The following COL5A3 variants were observed in gnomAD, a reference collection of about 807,000 sequenced individuals.
COL5A3 encodes the protein collagen type V alpha 3 chain, also known as collagen alpha-3(V) chain.
A neutral mutation model predicts 250.0 loss-of-function variants in COL5A3; 172 were observed. That is an observed-to-expected ratio of 0.69 (90% confidence interval 0.61 to 0.78). The LOEUF (loss-of-function observed/expected upper bound fraction) is 0.78. COL5A3 is among the 30% of genes least tolerant of loss of function. The probability of loss-of-function intolerance (pLI) is 0.00; values close to 1 mark genes in which losing one functional copy is unlikely to be tolerated. For synonymous variants in COL5A3, 937 were observed against 900.4 expected, an observed-to-expected ratio of 1.04 and a Z score of -0.73; for missense variants, 2,340 against 2,334.4, an observed-to-expected ratio of 1.00 and a Z score of -0.05.
Position 9,981,103 on chromosome 19 carries a change from T to C in COL5A3, c.2490A>G (p.Gly830=). Residue 830 remains glycine (G), a synonymous_variant, in exon 33 of 67, where the codon GGA becomes GGG. Transcript: ENST00000264828. ...ATTTTCTTACTGGTGGTCCCCGCTC[T>C]CCTTCCAGGCCTGGCTGCCCTGTCT... ...SGKTGQPGLE[G]ERGPPGSRGE... is the part of the protein sequence containing the mutation. 1 of 1,614,068 alleles carries C rather than the reference T, an allele frequency of 6.2e-7. No individual in the cohort carries two copies. Among genetic ancestry groups the C allele is most frequent in the Middle Eastern group, 1.6e-4 (1 of 6,062 alleles).
intron 65 of COL5A3, among the ~76,000 whole-genome samples, chr19:9,961,368 T>C (rs1267930991): frequency 6.6e-6 from 1 of 151,992 alleles, no homozygotes; most frequent in East Asian, 1.9e-4. Flanking sequence ...TTTTTTTTCC[T>C]TTTTTGGGGG....
chr19:9,988,756 G>A (rs921811432), intron 27 of COL5A3, among the ~76,000 whole-genome samples: 9 of 149,744 alleles, frequency 6.0e-5, no homozygotes, highest in South Asian at 2.1e-4. Flanking sequence ...GCTTGAATCC[G>A]GGAGGAGGCA....
In COL5A3 at chr19:9,960,474, A is replaced by T; in HGVS notation, c.5175T>A (p.Thr1725=). The change falls in exon 67 of 67, where the codon ACT becomes ACA. Residue 1725 remains threonine (T), a synonymous_variant. Transcript: ENST00000264828. ...ACTTTTGGTTCGTCTGGCCAAAGTC[A>T]GTGGCCGCCACATCCCACAGGGGCA... The part of the protein sequence containing the change: ...GFLPLWDVAA[T]DFGQTNQKFG... 6.2e-7 allele frequency: 1 copy of T among 1,614,162 alleles called. No homozygotes were observed. The highest frequency in any genetic ancestry group is 8.5e-7 in the Non-Finnish European group (1 of 1,180,020).
intron 31 of COL5A3, 22 bp downstream of exon 31, chr19:9,985,820 C>A (rs772786732): frequency 2.5e-6 from 4 of 1,600,322 alleles, no homozygotes; most frequent in African/African-American, 1.3e-5. Context: ...TCCATCTCCA[C>A]CCCCCACCCC....
At chr19:9,997,520 G>A (rs921874595) in intron 10 of COL5A3, 87 bp from the exon 11 acceptor site, 3 of 826,566 alleles carry the variant, frequency 3.6e-6, no homozygotes, top group Admixed American at 4.9e-5. Flanking sequence ...CTAACCTCAG[G>A]CTGACCTCCC....
At chr19:9,969,033 A>G (rs1010804613) in intron 57 of COL5A3, 2 of 579,178 alleles carry the variant, frequency 3.5e-6, no homozygotes, top group African/African-American at 1.9e-5. Context: ...AGTGTAGACC[A>G]TCAAGGTGGA....
At position 9,971,275 on chromosome 19, in the gene COL5A3, T is replaced by G. The variant is rs77994364; in HGVS notation, c.3775-17A>C. 30,145 of 1,553,824 alleles carry G rather than the reference T, an allele frequency of 0.019. 351 individuals carry two copies. Among genetic ancestry groups the G allele is most frequent in the Non-Finnish European group, 0.023 (26,553 of 1,154,126 alleles). On this transcript the variant is annotated splice_polypyrimidine_tract_variant and intron_variant, in intron 51 of 66. Coordinates refer to ENST00000264828, the MANE Select transcript of COL5A3 (RefSeq NM_015719.4). Reference sequence around the variant, plus strand: ...CGTGGGGCCCTGGAACACAGAATGATTAATAATCACATCTCTGAATTGTGG... The same window carrying G: ...CGTGGGGCCCTGGAACACAGAATGAGTAATAATCACATCTCTGAATTGTGG...
At chr19:9,991,013 C>A (rs765448106) in intron 24 of COL5A3, among the ~76,000 whole-genome samples, 2 of 152,060 alleles carry the variant, frequency 1.3e-5, no homozygotes, top group Non-Finnish European at 2.9e-5. Context: ...CTGCATGAGC[C>A]CAGGAGTTCA....
At chr19:10,004,306 G>GCACTAGTGATCTCTCTA (rs2145143847) in intron 4 of COL5A3, among the ~76,000 whole-genome samples, 161 bp from the exon 5 acceptor site, 1 of 152,108 alleles carries the variant, frequency 6.6e-6, no homozygotes, top group Admixed American at 6.6e-5. Flanking sequence ...CCCCATCACA[G>GCACTAGTGATCTCTCTA]CCCTAGTGAT....
Position 9,966,560 on chromosome 19 carries a change from G to C in COL5A3, c.4645C>G (p.Arg1549Gly). Reference sequence around the variant, plus strand: ...CCATCAGGCAGGTGCGGGTGGTTGCGGTGCAGCTCGTGGCACACGAGGCCC... The same window carrying C: ...CCATCAGGCAGGTGCGGGTGGTTGCCGTGCAGCTCGTGGCACACGAGGCCC... ...RPGLVCHELH[R>G]NHPHLPDGEY... The change falls in exon 63 of 67, where the codon CGC (arginine) becomes GGC (glycine). Residue 1549 changes from arginine (R) to glycine (G), a missense_variant. Physicochemically the swap from Arg to Gly is moderately radical, Grantham distance 125. This residue lies in a region of COL5A3 where 1,179 missense variants were observed against 1,162.6 expected (regional missense o/e 1.01). Coordinates refer to ENST00000264828, the MANE Select transcript of COL5A3 (RefSeq NM_015719.4). 1 of 1,543,232 alleles carries C rather than the reference G, an allele frequency of 6.5e-7. No individual in the cohort carries two copies. The highest frequency in any genetic ancestry group is 1.2e-5 in the South Asian group (1 of 84,308).
chr19:9,989,430 C>G (rs1289098678), intron 25 of COL5A3, 39 bp downstream of exon 25: 1 of 1,613,750 alleles, frequency 6.2e-7, no homozygotes, highest in Non-Finnish European at 8.5e-7. Context: ...CCAAGGCTCC[C>G]CTTTCTCCTT....
chr19:9,986,232 G>T, intron 30 of COL5A3, 83 bp downstream of exon 30: 1 of 961,028 alleles, frequency 1.0e-6, no homozygotes, highest in East Asian at 2.4e-5. Context: ...TGAGGTCGAA[G>T]GTATAATAAA....
At chr19:9,997,506 G>C (rs746560081) in intron 10 of COL5A3, 73 bp from the exon 11 acceptor site, 11 of 968,486 alleles carry the variant, frequency 1.1e-5, no homozygotes, top group Admixed American at 7.0e-5. Context: ...ACCTACCACT[G>C]ACTCTAACCT....
chr19:9,977,515 C>A, intron 42 of COL5A3, 43 bp from the exon 43 acceptor site: 1 of 1,503,790 alleles, frequency 6.6e-7, no homozygotes, highest in Non-Finnish European at 8.9e-7. Flanking sequence ...GCAGGAATGT[C>A]CTGCAGGAGC....
chr19:9,986,840 C>G, intron 27 of COL5A3, 82 bp from the exon 28 acceptor site: 1 of 1,477,860 alleles, frequency 6.8e-7, no homozygotes, highest in Non-Finnish European at 9.4e-7. Context: ...TCTAAAGCAG[C>G]CAGGATAGTC....
At chr19:9,998,931 G>T (rs565699247) in intron 8 of COL5A3, among the ~76,000 whole-genome samples, 1 of 152,004 alleles carries the variant, frequency 6.6e-6, no homozygotes, top group Non-Finnish European at 1.5e-5. Context: ...TGATCCACCC[G>T]CCTCATCCTC....
chr19:9,971,206 G>A lies in COL5A3; in HGVS notation c.3827C>T (p.Ser1276Leu). Reference protein sequence around the residue: ...DLGPPGDPGVSGIDGSPGEKG... With the variant: ...DLGPPGDPGVLGIDGSPGEKG... ...GATTGGGGAGGGGGTCACACTCACT[G>A]AAACTCCAGGGTCTCCTGGGGGCCC... Residue 1276 changes from serine (S) to leucine (L), a missense_variant and splice_region_variant, in exon 52 of 67, where the codon TCA (serine) becomes TTA (leucine). Coordinates refer to ENST00000264828, the MANE Select transcript of COL5A3 (RefSeq NM_015719.4). The A allele has an allele frequency of 6.4e-7, 1 of 1,561,474 alleles. No individual in the cohort carries two copies. The highest frequency in any genetic ancestry group is 8.6e-7 in the Non-Finnish European group (1 of 1,162,122).
chr19:9,972,324 C>T (rs78231738), intron 51 of COL5A3, among the ~76,000 whole-genome samples: 1 of 42,794 alleles, frequency 2.3e-5, no homozygotes, highest in South Asian at 7.0e-4. Context: ...CATCCATTCA[C>T]TCACTCGTTC....
chr19:9,973,976 T>A lies in COL5A3; in HGVS notation c.3505-4A>T. 7 of 1,535,182 alleles carry A rather than the reference T, an allele frequency of 4.6e-6. No individual in the cohort carries two copies. The highest frequency in any genetic ancestry group is 5.3e-6 in the Non-Finnish European group (6 of 1,141,770). On this transcript the variant is annotated splice_polypyrimidine_tract_variant and splice_region_variant and intron_variant, in intron 47 of 66. Coordinates refer to ENST00000264828, the MANE Select transcript of COL5A3 (RefSeq NM_015719.4). ...GACCTGGAGCTCCATGGGGACCCTG[T>A]GGAAGGTCAGAATTAGTACCCAGTG...
Sources: gnomAD v4.1 joint callset for allele counts (sites outside exome capture counted in the v4.1 genomes callset) on GRCh38, gnomAD v4.1.1 for gene constraint, gnomAD v4.1.1 regional missense constraint, MANE v1.5 for transcripts, NCBI Gene and HGNC (gene_info 2026-07-23, HGNC 2026-07-21) for gene names.